Variants in ADTRP observed in about 807,000 individuals in gnomAD.
The protein encoded by ADTRP is androgen dependent TFPI regulating protein, also known as androgen-dependent TFPI-regulating protein.
Under a neutral mutation model 27.0 loss-of-function variants are expected in ADTRP, and 20 were observed. That is an observed-to-expected ratio of 0.74 (90% CI 0.52 to 1.08). ADTRP has a LOEUF of 1.08. Ranked by LOEUF, ADTRP falls within the 50% of genes least tolerant of loss-of-function variation. The probability of loss-of-function intolerance (pLI) is 0.00; values close to 1 mark genes in which losing one functional copy is unlikely to be tolerated. For synonymous variants in ADTRP, 101 were observed against 105.2 expected, an observed-to-expected ratio of 0.96 and a Z score of 0.25; for missense variants, 251 against 275.0, an observed-to-expected ratio of 0.91 and a Z score of 0.62.
intron 3 of ADTRP, among the ~76,000 whole-genome samples, chr6:11,763,969 G>T (rs1763471914): frequency 6.6e-6 from 1 of 152,186 alleles, no homozygotes; most frequent in East Asian, 1.9e-4. Context: ...CAAACTAAGA[G>T]AAACACAGAA....
At chr6:11,754,969 T>G in intron 3 of ADTRP, 1 of 937,634 alleles carries the variant, frequency 1.1e-6, no homozygotes, top group Non-Finnish European at 1.3e-6. Flanking sequence ...TTCCTTCCAC[T>G]TAGATTTTTA....
At chr6:11,755,158 T>C (rs1443094515) in intron 3 of ADTRP, 1 of 772,580 alleles carries the variant, frequency 1.3e-6, no homozygotes, top group East Asian at 1.3e-4. Flanking sequence ...TCAAGGTCAC[T>C]GAATAATTTT....
intron 1 of ADTRP, among the ~76,000 whole-genome samples, chr6:11,771,596 A>C (rs1305584533): frequency 6.6e-6 from 1 of 152,220 alleles, no homozygotes; most frequent in East Asian, 1.9e-4. Flanking sequence ...AGCTTGACTC[A>C]CGATAACAGA....
At chr6:11,768,425 A>C (rs199982541) in intron 1 of ADTRP, 42 bp from the exon 2 acceptor site, 20 of 1,609,922 alleles carry the variant, frequency 1.2e-5, no homozygotes, top group Non-Finnish European at 1.7e-5. Flanking sequence ...CATTTACTTT[A>C]ATTAATACCT....
rs1288867586 is a variant in ADTRP, at chr6:11,713,632, A to G, written c.*846T>C. On this transcript the variant is annotated 3_prime_UTR_variant, in exon 6 of 6. Coordinates refer to ENST00000414691, the MANE Select transcript of ADTRP (RefSeq NM_032744.4). ...GCAAAGCAATCTCAACAGCCCTTAT[A>G]ATTCTATCACTTCCCATCCAGATTC... 5.3e-5 allele frequency: 8 copies of G among 152,222 alleles called. No individual in the cohort carries two copies. The highest frequency in any genetic ancestry group is 2.6e-4 in the Admixed American group (4 of 15,286). The allele number at this position is 152,222 out of a possible 1,614,324, so 9.4% of individuals were successfully genotyped here.
rs888836215 is a variant in ADTRP, at chr6:11,770,237, T to G, written c.154-1854A>C. 6 of 720,996 alleles carry G rather than the reference T, an allele frequency of 8.3e-6. No homozygotes were observed. In the Middle Eastern group the frequency reaches 1.1e-3, roughly 130 times the overall value. 44.7% of individuals were successfully genotyped at this position (720,996 alleles called of 1,614,324 possible). On this transcript the variant is annotated intron_variant, in intron 1 of 5. Coordinates refer to ENST00000414691, the MANE Select transcript of ADTRP (RefSeq NM_032744.4). ...GCTGCCTGGTTCCCACCCCCAGAGA[T>G]TCTAATGTAATCAGTCTGGGGCTAG...
intron 3 of ADTRP, among the ~76,000 whole-genome samples, chr6:11,740,081 C>T (rs544597118): frequency 6.6e-6 from 1 of 152,172 alleles, no homozygotes; most frequent in African/African-American, 2.4e-5. Flanking sequence ...CTGACTTTGA[C>T]CCTCTCAGAT....
chr6:11,756,468 C>T (rs1763217386), intron 3 of ADTRP, among the ~76,000 whole-genome samples: 1 of 152,112 alleles, frequency 6.6e-6, no homozygotes, highest in Non-Finnish European at 1.5e-5. Context: ...GGAAAAGTGT[C>T]ATTTAAAAAA....
chr6:11,729,455 C>T (rs941879888), intron 4 of ADTRP, among the ~76,000 whole-genome samples: 7 of 152,146 alleles, frequency 4.6e-5, no homozygotes, highest in Non-Finnish European at 1.0e-4. Context: ...CTTCTACTAC[C>T]TGGTAATTCC....
chr6:11,735,811 C>A lies in ADTRP; in HGVS notation c.391-128G>T, dbSNP rs1210390298. 2.3e-5 allele frequency: 15 copies of A among 663,628 alleles called. No individual in the cohort carries two copies. The East Asian group carries it at 3.3e-4, about 15-fold the overall frequency. 41.1% of individuals were successfully genotyped at this position (663,628 alleles called of 1,614,324 possible). On this transcript the variant is annotated intron_variant, in intron 3 of 5. Coordinates refer to ENST00000414691, the MANE Select transcript of ADTRP (RefSeq NM_032744.4). ...AGATGAAGCTTTCCAGGTCATGCTC[C>A]CTAGATGCCCAAGGACCTACCGTGG...
chr6:11,760,750 C>T (rs372871411), intron 3 of ADTRP, among the ~76,000 whole-genome samples: 3 of 152,204 alleles, frequency 2.0e-5, no homozygotes, highest in East Asian at 3.8e-4. Context: ...CTAAAACTCA[C>T]GTGCCTAAAT....
At chr6:11,764,004 C>T (rs1056293730) in intron 3 of ADTRP, among the ~76,000 whole-genome samples, 6 of 152,202 alleles carry the variant, frequency 3.9e-5, no homozygotes, top group Non-Finnish European at 8.8e-5. Context: ...CCTGGGGTAG[C>T]TTCCTCCTCC....
chr6:11,731,449 A>G (rs62395244), intron 4 of ADTRP, among the ~76,000 whole-genome samples: 11,515 of 152,178 alleles, frequency 0.076, 522 homozygotes, highest in Non-Finnish European at 0.1. Context: ...AAATGCTCCC[A>G]TTTTCTATAC....
At chr6:11,774,840 T>A (rs967274935) in intron 1 of ADTRP, among the ~76,000 whole-genome samples, 7 of 152,186 alleles carry the variant, frequency 4.6e-5, no homozygotes, top group Non-Finnish European at 8.8e-5. Context: ...GGACAGTCCC[T>A]GGATGGAAAT....
intron 5 of ADTRP, among the ~76,000 whole-genome samples, chr6:11,715,258 C>T (rs1187601549): frequency 6.6e-6 from 1 of 152,134 alleles, no homozygotes; most frequent in Non-Finnish European, 1.5e-5. Flanking sequence ...GCAGCAAATC[C>T]ATGCTCCTAA....
At chr6:11,752,243 T>C (rs1261365934) in intron 3 of ADTRP, among the ~76,000 whole-genome samples, 1 of 152,238 alleles carries the variant, frequency 6.6e-6, no homozygotes, top group Non-Finnish European at 1.5e-5. Flanking sequence ...TTTTAAGAAA[T>C]ATTTTTATTC....
intron 1 of ADTRP, among the ~76,000 whole-genome samples, chr6:11,771,005 T>C (rs1309414192): frequency 6.6e-6 from 1 of 152,188 alleles, no homozygotes; most frequent in African/African-American, 2.4e-5. Flanking sequence ...GTGAAGTCCA[T>C]GTGACCTGCT....
intron 3 of ADTRP, among the ~76,000 whole-genome samples, chr6:11,760,576 C>T (rs937234376): frequency 2.6e-5 from 4 of 152,084 alleles, no homozygotes; most frequent in African/African-American, 9.7e-5. Context: ...CATAACTACC[C>T]CCTAGGTGAT....
At chr6:11,758,579 G>GA (rs529436971) in intron 3 of ADTRP, among the ~76,000 whole-genome samples, 7 of 116,884 alleles carry the variant, frequency 6.0e-5, no homozygotes, top group African/African-American at 2.4e-4. Context: ...GTGGGGTGGG[G>GA]GGGGGGGACG....
Sources: allele counts gnomAD v4.1 joint callset (sites outside exome capture counted in the v4.1 genomes callset), GRCh38; gene constraint gnomAD v4.1.1; transcripts MANE v1.5; gene names NCBI Gene and HGNC (gene_info 2026-07-23, HGNC 2026-07-21).